SASH1: variants seen among roughly 807,000 people sequenced by gnomAD.
The protein encoded by SASH1 is SAM and SH3 domain containing 1, also known as SAM and SH3 domain-containing protein 1.
A neutral mutation model predicts 125.2 loss-of-function variants in SASH1; 44 were observed. The observed-to-expected ratio is 0.35, with a 90% CI of 0.28 to 0.45. SASH1 has a LOEUF of 0.45. Ranked by LOEUF, SASH1 falls within the 20% of genes least tolerant of loss-of-function variation. The probability of loss-of-function intolerance (pLI) is 1.00; values close to 1 mark genes in which losing one functional copy is unlikely to be tolerated. For missense variants in SASH1, 1,426 were observed against 1,614.5 expected, an observed-to-expected ratio of 0.88 and a Z score of 2.00; for synonymous variants, 639 against 649.1, an observed-to-expected ratio of 0.98 and a Z score of 0.24.
chr6:148,251,626 G>A, the SASH1 span, among the ~76,000 whole-genome samples: 3 of 151,958 alleles, frequency 2.0e-5, no homozygotes, highest in Admixed American at 1.3e-4. Flanking sequence ...TCTGCAGCTA[G>A]TATGAAGAAT....
chr6:148,335,175 G>T (rs945650559), intron 1 of SASH1, among the ~76,000 whole-genome samples: 2 of 150,764 alleles, frequency 1.3e-5, no homozygotes, highest in Admixed American at 1.3e-4. Context: ...GCATGTGCCT[G>T]TAATCCTAGC....
At chr6:148,221,964 C>T in the SASH1 span, among the ~76,000 whole-genome samples, 1 of 152,180 alleles carries the variant, frequency 6.6e-6, no homozygotes, top group African/African-American at 2.4e-5. Flanking sequence ...CAGCCTCTTC[C>T]TTTGCATCTT....
At chr6:148,433,311 TA>T (rs1336417933) in intron 2 of SASH1, among the ~76,000 whole-genome samples, 2 of 152,056 alleles carry the variant, frequency 1.3e-5, no homozygotes, top group East Asian at 3.9e-4. Context: ...CTATTAATAA[TA>T]AAATATACAA....
chr6:148,237,313 T>G, the SASH1 span, among the ~76,000 whole-genome samples: 1 of 152,178 alleles, frequency 6.6e-6, no homozygotes, highest in African/African-American at 2.4e-5. Context: ...TGACTTGACA[T>G]TTCTATCTAT....
intron 5 of SASH1, chr6:148,468,798 T>C (rs1777966919): frequency 6.7e-6 from 3 of 449,856 alleles, no homozygotes; most frequent in Non-Finnish European, 1.2e-5. Context: ...AGTTTTTAAC[T>C]TGAATATGTT....
intron 8 of SASH1, among the ~76,000 whole-genome samples, chr6:148,494,571 G>A (rs1051295471): frequency 3.9e-5 from 6 of 152,054 alleles, no homozygotes; most frequent in Non-Finnish European, 8.8e-5. Context: ...AGGTTGCAGT[G>A]AGCCGAGATC....
chr6:148,496,685 A>G (rs1427207421), intron 8 of SASH1, among the ~76,000 whole-genome samples: 3 of 152,174 alleles, frequency 2.0e-5, no homozygotes, highest in Non-Finnish European at 4.4e-5. Context: ...TGAGGCCAGA[A>G]GTTCAAGACC....
intron 4 of SASH1, among the ~76,000 whole-genome samples, chr6:148,450,862 G>C (rs914867975): frequency 6.6e-6 from 1 of 152,062 alleles, no homozygotes; most frequent in Admixed American, 6.6e-5. Flanking sequence ...TCAAATCCAG[G>C]TTGTCTTCCT....
chr6:148,443,322 G>A (rs1776625947), intron 4 of SASH1, among the ~76,000 whole-genome samples: 1 of 150,286 alleles, frequency 6.7e-6, no homozygotes, highest in Non-Finnish European at 1.5e-5. Flanking sequence ...CATTATATCG[G>A]GGGCCCGTGA....
At chr6:148,526,580 A>AATCT (rs1375221250) in intron 11 of SASH1, among the ~76,000 whole-genome samples, 2 of 152,158 alleles carry the variant, frequency 1.3e-5, no homozygotes, top group African/African-American at 4.8e-5. Context: ...TTCTGCTGTC[A>AATCT]ATCTTTTTTA....
At chr6:148,463,133 G>C (rs184448548) in intron 4 of SASH1, among the ~76,000 whole-genome samples, 17 of 151,964 alleles carry the variant, frequency 1.1e-4, no homozygotes, top group African/African-American at 2.7e-4. Flanking sequence ...TGTGGAGTGA[G>C]AGACTGCAAT....
chr6:148,252,326 T>A, the SASH1 span, among the ~76,000 whole-genome samples: 1 of 152,166 alleles, frequency 6.6e-6, no homozygotes, highest in African/African-American at 2.4e-5. Flanking sequence ...ACAAGCGAAT[T>A]CTGATTACGG....
chr6:148,202,196 G>A, the SASH1 span, among the ~76,000 whole-genome samples: 5 of 152,172 alleles, frequency 3.3e-5, no homozygotes, highest in East Asian at 9.6e-4. Context: ...TGAATTGTTC[G>A]CTTGTAGGTA....
chr6:148,299,765 A>C (rs902916133), intron 1 of SASH1, among the ~76,000 whole-genome samples: 1 of 152,030 alleles, frequency 6.6e-6, no homozygotes, highest in Non-Finnish European at 1.5e-5. Flanking sequence ...GTCAACCTGT[A>C]TTAGGAGGGG....
At chr6:148,248,799 G>A in the SASH1 span, among the ~76,000 whole-genome samples, 1 of 152,200 alleles carries the variant, frequency 6.6e-6, no homozygotes, top group Admixed American at 6.5e-5. Flanking sequence ...AAAGGACACT[G>A]TGAGAAAATC....
chr6:148,398,052 T>G (rs1784028036), intron 2 of SASH1, among the ~76,000 whole-genome samples: 1 of 151,802 alleles, frequency 6.6e-6, no homozygotes, highest in Non-Finnish European at 1.5e-5. Context: ...GTGTGGACCG[T>G]GGGGAGTAAC....
intron 1 of SASH1, among the ~76,000 whole-genome samples, chr6:148,306,572 G>A (rs75172085): frequency 0.11 from 16,697 of 152,138 alleles, 1,004 homozygotes; most frequent in East Asian, 0.18. Context: ...CTTCAATCTT[G>A]CTGTGGTAGG....
the SASH1 span, among the ~76,000 whole-genome samples, chr6:148,255,644 T>C: frequency 1.3e-5 from 2 of 152,058 alleles, no homozygotes; most frequent in East Asian, 3.9e-4. Flanking sequence ...TTTTTATTTG[T>C]TTTTTTCTTT....
Position 148,434,063 on chromosome 6 carries a change from A to AT in SASH1, c.286-6090dup, listed in dbSNP as rs758854072. On this transcript the variant is annotated intron_variant, in intron 2 of 19. Coordinates refer to ENST00000367467, the MANE Select transcript of SASH1 (RefSeq NM_015278.5). The stretch of plus-strand genomic sequence containing the variant: ...ATTTAAAAACATAGGGGAACTGGAG[A>AT]TTTTTTTTTTTTTTTTTTTTTTTTT... Among the ~76,000 whole-genome samples, 54 of 69,424 alleles carry AT rather than the reference A, an allele frequency of 7.8e-4. 2 individuals carry two copies. The highest frequency in any genetic ancestry group is 1.3e-3 in the Admixed American group (6 of 4,614). 45.5% of individuals were successfully genotyped at this position (69,424 alleles called of 152,430 possible).
Sources: allele counts gnomAD v4.1 joint callset (sites outside exome capture counted in the v4.1 genomes callset), GRCh38; gene constraint gnomAD v4.1.1; transcripts MANE v1.5; gene names NCBI Gene and HGNC (gene_info 2026-07-23, HGNC 2026-07-21).